The following RELL1 variants were observed in gnomAD, a reference collection of about 807,000 sequenced individuals.
The protein encoded by RELL1 is RELT-like protein 1.
Under a neutral mutation model 23.0 loss-of-function variants are expected in RELL1, and 10 were observed. That is an observed-to-expected ratio of 0.43 (90% CI 0.27 to 0.74). The LOEUF is 0.74. Among genes scored for constraint, RELL1 ranks in the 30% least tolerant of loss-of-function variants. RELL1 has a pLI of 0.19. For missense variants in RELL1, 315 were observed against 364.4 expected, an observed-to-expected ratio of 0.86 and a Z score of 1.10; for synonymous variants, 146 against 146.8, an observed-to-expected ratio of 0.99 and a Z score of 0.04.
At chr4:37,639,908 C>T (rs140571453) in intron 3 of RELL1, among the ~76,000 whole-genome samples, 63 of 152,326 alleles carry the variant, frequency 4.1e-4, no homozygotes, top group Non-Finnish European at 7.6e-4. Flanking sequence ...TAAGGGCTTA[C>T]AATGTGGTGT....
downstream of RELL1, chr4:37,590,479 A>C (rs746140329): frequency 3.1e-6 from 5 of 1,611,324 alleles, no homozygotes; most frequent in African/African-American, 6.7e-5. Flanking sequence ...AGGAGGGGGC[A>C]CCAGGAAACA....
chr4:37,655,549 T>C (rs1330777752), intron 1 of RELL1, among the ~76,000 whole-genome samples: 1 of 152,148 alleles, frequency 6.6e-6, no homozygotes, highest in Non-Finnish European at 1.5e-5. Context: ...GAGAGAGGCA[T>C]GAAACAGATT....
At position 37,662,496 on chromosome 4, in the gene RELL1, G is replaced by A. The variant is rs2109299131; in HGVS notation, c.89-12996C>T. On this transcript the variant is annotated intron_variant, in intron 1 of 6. Transcript: ENST00000454158. ...CACTCTTGACAGGCAGGAGGCTGGGGCACTCAGAGCATTCCTGAACCCCGG... is the reference window on the plus strand; with the variant it reads ...CACTCTTGACAGGCAGGAGGCTGGGACACTCAGAGCATTCCTGAACCCCGG... 2.0e-5 allele frequency among the ~76,000 whole-genome samples: 3 copies of A among 151,866 alleles called. No individual in the cohort carries two copies. In the South Asian group the frequency reaches 6.3e-4, roughly 32 times the overall value.
chr4:37,626,671 G>A (rs1446000782), intron 6 of RELL1, among the ~76,000 whole-genome samples: 1 of 152,022 alleles, frequency 6.6e-6, no homozygotes, highest in African/African-American at 2.4e-5. Context: ...ATAAAATGTA[G>A]TATAGATACA....
chr4:37,649,945 C>G (rs1237075186), intron 1 of RELL1, among the ~76,000 whole-genome samples: 1 of 152,208 alleles, frequency 6.6e-6, no homozygotes, highest in South Asian at 2.1e-4. Flanking sequence ...TCAGAACACT[C>G]AAGTTCAATT....
At chr4:37,592,375 GCT>G (rs1718662112) in intron 6 of RELL1, among the ~76,000 whole-genome samples, 1 of 135,812 alleles carries the variant, frequency 7.4e-6, no homozygotes, top group African/African-American at 2.8e-5. Flanking sequence ...AAAAAAAAGA[GCT>G]AGACTACAAA....
chr4:37,683,842 G>A (rs1269032102), intron 1 of RELL1, among the ~76,000 whole-genome samples: 3 of 152,052 alleles, frequency 2.0e-5, no homozygotes, highest in Non-Finnish European at 4.4e-5. Flanking sequence ...AGCACTTTGG[G>A]AGGCCAAGGT....
At chr4:37,587,498 T>C (rs924120229), downstream of RELL1, among the ~76,000 whole-genome samples, 1 of 152,174 alleles carries the variant, frequency 6.6e-6, no homozygotes, top group African/African-American at 2.4e-5. Flanking sequence ...TCATATTCAC[T>C]GTGGACAAAA....
intron 3 of RELL1, among the ~76,000 whole-genome samples, chr4:37,642,923 C>T (rs191885790): frequency 2.0e-5 from 3 of 152,330 alleles, no homozygotes; most frequent in East Asian, 3.9e-4. Flanking sequence ...GAAAGCTCTG[C>T]GCCCCACCCC....
intron 6 of RELL1, among the ~76,000 whole-genome samples, chr4:37,598,552 C>T (rs533133948): frequency 9.9e-5 from 15 of 152,206 alleles, no homozygotes; most frequent in South Asian, 2.1e-4. Flanking sequence ...TCTACCGTGA[C>T]GCCATGAGCT....
chr4:37,636,883 G>C (rs1475182966), intron 4 of RELL1, among the ~76,000 whole-genome samples: 5 of 152,138 alleles, frequency 3.3e-5, no homozygotes, highest in East Asian at 1.9e-4. Flanking sequence ...AAAAGAAGTA[G>C]AGCCTACGGT....
intron 6 of RELL1, among the ~76,000 whole-genome samples, chr4:37,626,920 G>C (rs1352240435): frequency 6.6e-6 from 1 of 152,138 alleles, no homozygotes; most frequent in African/African-American, 2.4e-5. Context: ...ATTTTAGTTA[G>C]AGGGGATAAA....
intron 1 of RELL1, among the ~76,000 whole-genome samples, chr4:37,650,413 G>A (rs1720882399): frequency 6.6e-6 from 1 of 152,208 alleles, no homozygotes; most frequent in Admixed American, 6.5e-5. Flanking sequence ...GGTGGGAACT[G>A]GATAGAGTGA....
At chr4:37,662,440 C>T (rs1051911278) in intron 1 of RELL1, among the ~76,000 whole-genome samples, 2 of 152,044 alleles carry the variant, frequency 1.3e-5, no homozygotes, top group African/African-American at 2.4e-5. Flanking sequence ...AACAGAATAA[C>T]TGAATTTGGC....
chr4:37,664,901 G>C (rs114570785), intron 1 of RELL1, among the ~76,000 whole-genome samples: 1 of 151,964 alleles, frequency 6.6e-6, no homozygotes, highest in Non-Finnish European at 1.5e-5. Context: ...GACATACCAC[G>C]GTCAAAGGCA....
intron 1 of RELL1, among the ~76,000 whole-genome samples, chr4:37,684,473 C>T (rs186483905): frequency 1.3e-5 from 2 of 152,262 alleles, no homozygotes; most frequent in East Asian, 3.9e-4. Flanking sequence ...ATGGATTTCT[C>T]CTGCTGATGA....
chr4:37,652,196 A>C (rs1720972225), intron 1 of RELL1, among the ~76,000 whole-genome samples: 1 of 152,144 alleles, frequency 6.6e-6, no homozygotes, highest in Non-Finnish European at 1.5e-5. Context: ...AACAAAGACT[A>C]CCTCTCTTTC....
exon 7 of RELL1, chr4:37,591,163 T>C (rs1279492037): frequency 3.3e-6 from 2 of 605,398 alleles, no homozygotes; most frequent in African/African-American, 3.7e-5. Flanking sequence ...TGTCCCATGC[T>C]GCTTGTCACA....
rs1440019307 is a variant in RELL1 at position 37,611,929 on chromosome 4, A to ACTT, written c.*1414_*1416dup. On this transcript the variant is annotated 3_prime_UTR_variant, in exon 7 of 7. Coordinates refer to ENST00000454158, the MANE Select transcript of RELL1 (RefSeq NM_001085400.2). ...AGTGGCTCAAGCCTGTAATCCCAGA[A>ACTT]CTTTGGGAGGCCGAGGCGGGTGGAT... Among the ~76,000 whole-genome samples the ACTT allele has an allele frequency of 6.6e-6, 1 of 151,826 alleles. No homozygotes were observed. Among genetic ancestry groups the ACTT allele is most frequent in the Admixed American group, 6.6e-5 (1 of 15,228 alleles).
Sources: allele counts gnomAD v4.1 joint callset (sites outside exome capture counted in the v4.1 genomes callset), GRCh38; gene constraint gnomAD v4.1.1; transcripts MANE v1.5; gene names NCBI Gene and HGNC (gene_info 2026-07-23, HGNC 2026-07-21).